Variants in CLEC1A observed in about 807,000 individuals in gnomAD.
CLEC1A encodes the protein C-type lectin domain family 1 member A, also known as C-type lectin-like receptor-1.
Under a neutral mutation model 28.7 loss-of-function variants are expected in CLEC1A, and 34 were observed. That is an observed-to-expected ratio of 1.18 (90% CI 0.90 to 1.57). CLEC1A has a LOEUF of 1.57. Ranked by LOEUF, CLEC1A falls within the 40% of genes most tolerant of loss-of-function variation. The pLI is 0.00. For synonymous variants in CLEC1A, 116 were observed against 121.0 expected (o/e 0.96, Z 0.27); for missense variants, 385 against 339.5 (o/e 1.13, Z -1.05).
chr12:10,098,887 C>A lies in CLEC1A; in HGVS notation c.36G>T (p.Leu12=). 1 of 1,613,624 alleles carries A rather than the reference C, an allele frequency of 6.2e-7. No homozygotes were observed. Among genetic ancestry groups the A allele is most frequent in the South Asian group, 1.1e-5 (1 of 90,922 alleles). The part of the protein sequence containing the change: ...QAKYSSTRDM[L]DDDGDTTMSL... ...TCATGGTGGTGTCCCCATCATCATCCAGCATGTCCCTCGTGCTGCTGTACT... is the reference window on the plus strand; with the variant it reads ...TCATGGTGGTGTCCCCATCATCATCAAGCATGTCCCTCGTGCTGCTGTACT... The change falls in exon 1 of 6, where the codon CTG becomes CTT. Residue 12 remains leucine, a synonymous_variant. Coordinates refer to ENST00000315330, the MANE Select transcript of CLEC1A (RefSeq NM_016511.4).
chr12:10,091,022 C>G (rs1331757767), intron 1 of CLEC1A, among the ~76,000 whole-genome samples: 1 of 152,140 alleles, frequency 6.6e-6, no homozygotes, highest in African/African-American at 2.4e-5. Flanking sequence ...CAAGCTTGAC[C>G]CTAAGCACCT....
In CLEC1A at chr12:10,081,253, C is replaced by A; in HGVS notation, c.375G>T (p.Leu125=). The A allele has an allele frequency of 6.3e-7, 1 of 1,598,472 alleles. No homozygotes were observed. The highest frequency in any genetic ancestry group is 8.5e-7 in the Non-Finnish European group (1 of 1,172,666). Residue 125 remains leucine (L), a synonymous_variant, in exon 3 of 6, where the codon CTG becomes CTT. Coordinates refer to ENST00000315330, the MANE Select transcript of CLEC1A (RefSeq NM_016511.4). ...QHVAEKLCRE[L]YNKAGAHRCS... ...CACACTTACCTCCAGCTTTGTTATA[C>A]AGCTCACGACAGAGTTTTTCAGCCA...
In CLEC1A at chr12:10,073,429, GA is replaced by G. The variant is rs1866184606; in HGVS notation, c.544-19del. On this transcript the variant is annotated intron_variant, in intron 4 of 5. Transcript: ENST00000315330. Reference sequence around the variant, plus strand: ...GCAAATTCCTGTGAAAAGCACATAAGAAAAGCTTTAGCTTTGGTGGCATGAT... The same window carrying G: ...GCAAATTCCTGTGAAAAGCACATAAGAAAGCTTTAGCTTTGGTGGCATGAT... The G allele has an allele frequency of 6.3e-7, 1 of 1,589,326 alleles. No individual in the cohort carries two copies. The highest frequency in any genetic ancestry group is 1.3e-5 in the African/African-American group (1 of 74,378).
chr12:10,085,242 C>CACACACAA (rs1491264787), intron 2 of CLEC1A, among the ~76,000 whole-genome samples: 17 of 129,532 alleles, frequency 1.3e-4, no homozygotes, highest in Non-Finnish European at 2.9e-4. Context: ...CACACACACA[C>CACACACAA]AATAAAACAA....
chr12:10,090,555 C>A lies in CLEC1A; in HGVS notation c.116-1333G>T, dbSNP rs1406558964. Among the ~76,000 whole-genome samples the A allele has an allele frequency of 2.6e-5, 4 of 152,208 alleles. No individual in the cohort carries two copies. The East Asian group carries it at 7.7e-4, about 29-fold the overall frequency. On this transcript the variant is annotated intron_variant, in intron 1 of 5. Coordinates refer to ENST00000315330, the MANE Select transcript of CLEC1A (RefSeq NM_016511.4). The stretch of plus-strand genomic sequence containing the variant: ...CTGGGATTACAGGCATGAGCCACCG[C>A]GCCCGGCCAATTCTAGGTAGAGATT...
chr12:10,081,118 C>T, intron 3 of CLEC1A, 119 bp downstream of exon 3: 1 of 830,966 alleles, frequency 1.2e-6, no homozygotes, highest in South Asian at 2.0e-5. Flanking sequence ...GAAGCCCAAA[C>T]CCTTTTTCAG....
chr12:10,071,642 T>C lies in CLEC1A; in HGVS notation c.663-129A>G, dbSNP rs1866137551. ...GAATAAGTTTACCGGGAAACTGGGG[T>C]CATGTGCCTCTTTCTCTTCAGCCCC... On this transcript the variant is annotated intron_variant, in intron 5 of 5. Transcript: ENST00000315330. 5.8e-6 allele frequency: 4 copies of C among 693,912 alleles called. No homozygotes were observed. The Admixed American group carries it at 1.4e-4, about 25-fold the overall frequency. The allele number at this position is 693,912 out of a possible 1,614,324, so 43.0% of individuals were successfully genotyped here. A position where few individuals can be genotyped will look rare whatever the true frequency, so the allele number is the denominator to read the frequency against.
intron 2 of CLEC1A, among the ~76,000 whole-genome samples, chr12:10,083,621 C>G (rs2137350273): frequency 6.6e-6 from 1 of 152,162 alleles, no homozygotes; most frequent in South Asian, 2.1e-4. Context: ...TACAGGTGCC[C>G]ACCACCATGT....
At chr12:10,074,125 G>A (rs527491750) in intron 4 of CLEC1A, among the ~76,000 whole-genome samples, 6 of 152,208 alleles carry the variant, frequency 3.9e-5, no homozygotes, top group East Asian at 1.9e-4. Flanking sequence ...CACGATCATA[G>A]CTCACTGCAG....
intron 3 of CLEC1A, among the ~76,000 whole-genome samples, chr12:10,079,089 A>C (rs1866312842): frequency 6.6e-6 from 1 of 152,232 alleles, no homozygotes; most frequent in Admixed American, 6.5e-5. Context: ...CAACACAAAC[A>C]GACAAAGACA....
chr12:10,086,281 T>G (rs1189561473), intron 2 of CLEC1A, among the ~76,000 whole-genome samples: 2 of 149,434 alleles, frequency 1.3e-5, no homozygotes, highest in Non-Finnish European at 3.0e-5. Context: ...GCTCAACAAA[T>G]TGGAGAAACA....
chr12:10,097,915 TA>T (rs11453815), intron 1 of CLEC1A, among the ~76,000 whole-genome samples: 101 of 117,860 alleles, frequency 8.6e-4, no homozygotes, highest in East Asian at 4.2e-3. Context: ...GTAGTTTAGT[TA>T]AAAAAAAAAA....
Position 10,081,399 on chromosome 12 carries a change from G to A in CLEC1A, c.229C>T (p.Gln77Ter). The change falls in exon 3 of 6, where the codon CAG (glutamine) becomes TAG (stop). Residue 77 changes from glutamine (Q) to a stop codon, truncating the protein, a stop_gained. Coordinates refer to ENST00000315330, the MANE Select transcript of CLEC1A (RefSeq NM_016511.4). LOFTEE classifies it high-confidence loss of function. ...ALGLLFFQYY[Q>*]LSNTGQDTIS... ...GTGTCTTGACCAGTATTGGAGAGCT[G>A]GTAGTACTGAAAAACTAACCCAAAT... 2 of 1,594,852 alleles carry A rather than the reference G, an allele frequency of 1.3e-6. No homozygotes were observed. The highest frequency in any genetic ancestry group is 1.7e-6 in the Non-Finnish European group (2 of 1,172,444).
At chr12:10,091,278 T>C (rs1947699659) in intron 1 of CLEC1A, among the ~76,000 whole-genome samples, 1 of 152,194 alleles carries the variant, frequency 6.6e-6, no homozygotes, top group African/African-American at 2.4e-5. Context: ...AAGGGCTGAG[T>C]AAATCTTTGA....
At chr12:10,088,038 T>C (rs1866537196) in intron 2 of CLEC1A, among the ~76,000 whole-genome samples, 1 of 152,142 alleles carries the variant, frequency 6.6e-6, no homozygotes, top group African/African-American at 2.4e-5. Context: ...ATTGACAATA[T>C]ACCATATATT....
chr12:10,072,634 A>ATCTCTCTCTCTCTC (rs58355839), intron 5 of CLEC1A, among the ~76,000 whole-genome samples: 4 of 148,074 alleles, frequency 2.7e-5, no homozygotes, highest in African/African-American at 1.0e-4. Flanking sequence ...TCAGGGAAAG[A>ATCTCTCTCTCTCTC]TCTCTCTCTC....
intron 2 of CLEC1A, among the ~76,000 whole-genome samples, chr12:10,083,694 A>C (rs1232420932): frequency 2.6e-5 from 4 of 152,134 alleles, no homozygotes. Flanking sequence ...GCTGGTCTTA[A>C]ACTCCTGACC....
chr12:10,094,137 A>G (rs751352614), intron 1 of CLEC1A, among the ~76,000 whole-genome samples: 1 of 152,142 alleles, frequency 6.6e-6, no homozygotes, highest in Non-Finnish European at 1.5e-5. Flanking sequence ...TAGGTGACTC[A>G]ATTTTATATC....
Position 10,071,118 on chromosome 12 carries a change from G to T in CLEC1A, c.*215C>A, listed in dbSNP as rs1475452008. On this transcript the variant is annotated 3_prime_UTR_variant, in exon 6 of 6. Transcript: ENST00000315330. Reference sequence around the variant, plus strand: ...ACATTATGGGTTTCTGAGGTTGGTTGGTGGCATGTAAATAAGACTTCTTGT... The same window carrying T: ...ACATTATGGGTTTCTGAGGTTGGTTTGTGGCATGTAAATAAGACTTCTTGT... The T allele has an allele frequency of 5.0e-6, 2 of 398,524 alleles. No individual in the cohort carries two copies. The highest frequency in any genetic ancestry group is 8.9e-6 in the Non-Finnish European group (2 of 224,692). The allele number at this position is 398,524 out of a possible 1,614,324, so 24.7% of individuals were successfully genotyped here.
Sources: gnomAD v4.1 joint callset for allele counts (sites outside exome capture counted in the v4.1 genomes callset) on GRCh38, gnomAD v4.1.1 for gene constraint, MANE v1.5 for transcripts, NCBI Gene and HGNC (gene_info 2026-07-23, HGNC 2026-07-21) for gene names.